The following GPC5 variants were observed in gnomAD, a reference collection of about 807,000 sequenced individuals.
GPC5 encodes glypican 5, also known as glypican-5.
GPC5 carries 47 observed loss-of-function variants against 53.9 expected under a neutral mutation model. The observed-to-expected ratio is 0.87, with a 90% confidence interval of 0.69 to 1.11. GPC5 has a LOEUF of 1.11. Ranked by LOEUF, GPC5 falls within the 50% of genes most tolerant of loss-of-function variation. The pLI is 0.00. For missense variants in GPC5, 748 were observed against 713.1 expected (o/e 1.05, Z -0.56); for synonymous variants, 286 against 263.3 (o/e 1.09, Z -0.84).
chr13:91,707,805 G>T (rs7984923), intron 3 of GPC5, among the ~76,000 whole-genome samples: 4,155 of 151,830 alleles, frequency 0.027, 174 homozygotes, highest in African/African-American at 0.096. Flanking sequence ...TCATGCCAAG[G>T]TATATTCCCA....
intron 7 of GPC5, among the ~76,000 whole-genome samples, chr13:92,492,241 A>T (rs1879791251): frequency 6.6e-6 from 1 of 152,044 alleles, no homozygotes; most frequent in Non-Finnish European, 1.5e-5. Flanking sequence ...AAAAATTAAG[A>T]CCATTTTGAA....
At chr13:92,517,222 T>A (rs938788519) in intron 7 of GPC5, among the ~76,000 whole-genome samples, 1 of 152,166 alleles carries the variant, frequency 6.6e-6, no homozygotes, top group Non-Finnish European at 1.5e-5. Context: ...CAAGGAGGCC[T>A]GCCTGCCTCT....
At chr13:92,623,467 T>G (rs2139118659) in intron 7 of GPC5, among the ~76,000 whole-genome samples, 1 of 152,352 alleles carries the variant, frequency 6.6e-6, no homozygotes, top group African/African-American at 2.4e-5. Context: ...CTTCACAGCC[T>G]TCTCTCATAC....
chr13:92,052,203 G>A (rs1190656636), intron 6 of GPC5, among the ~76,000 whole-genome samples: 1 of 152,184 alleles, frequency 6.6e-6, no homozygotes, highest in Non-Finnish European at 1.5e-5. Context: ...ATGCATGGGA[G>A]AGAAAAGCAA....
At chr13:92,650,843 G>A (rs1221100043) in intron 7 of GPC5, among the ~76,000 whole-genome samples, 3 of 152,008 alleles carry the variant, frequency 2.0e-5, no homozygotes, top group African/African-American at 7.2e-5. Flanking sequence ...GCAGAACGTG[G>A]AGGTTTGTTG....
chr13:92,832,944 G>T (rs1878097746), intron 7 of GPC5, among the ~76,000 whole-genome samples: 2 of 152,076 alleles, frequency 1.3e-5, no homozygotes, highest in Admixed American at 1.3e-4. Flanking sequence ...GGAGGCGGAG[G>T]TTGCAGTGAG....
In GPC5 at chr13:91,854,580, C is replaced by G. The variant is rs139369053; in HGVS notation, c.1281-53357C>G. ...ACCCTTCCTGGCCTCTAGTAACTATCCTTCTATTCTCTATCTCCATGGGTT... is the reference window on the plus strand; with the variant it reads ...ACCCTTCCTGGCCTCTAGTAACTATGCTTCTATTCTCTATCTCCATGGGTT... On this transcript the variant is annotated intron_variant, in intron 5 of 7. Coordinates refer to ENST00000377067, the MANE Select transcript of GPC5 (RefSeq NM_004466.6). 1.2e-4 allele frequency among the ~76,000 whole-genome samples: 18 copies of G among 151,770 alleles called. No homozygotes were observed. The South Asian group carries it at 3.7e-3, about 31-fold the overall frequency.
At chr13:92,605,638 G>A (rs1389414178) in intron 7 of GPC5, among the ~76,000 whole-genome samples, 1 of 147,750 alleles carries the variant, frequency 6.8e-6, no homozygotes, top group South Asian at 2.1e-4. Context: ...GCCGGACTGC[G>A]GACTGCAGTG....
At chr13:92,271,664 A>T (rs772811386) in intron 7 of GPC5, among the ~76,000 whole-genome samples, 40 of 152,184 alleles carry the variant, frequency 2.6e-4, no homozygotes, top group Non-Finnish European at 5.4e-4. Flanking sequence ...AGATAAAGAA[A>T]TCCAGGGTGG....
At chr13:91,910,840 T>C (rs1237660334) in intron 6 of GPC5, among the ~76,000 whole-genome samples, 1 of 152,188 alleles carries the variant, frequency 6.6e-6, no homozygotes, top group African/African-American at 2.4e-5. Flanking sequence ...ACAACCCTGC[T>C]CTCATGGGCT....
At position 91,549,064 on chromosome 13, in the gene GPC5, T is replaced by A. The variant is rs372154851; in HGVS notation, c.325+100142T>A. 6.5e-4 allele frequency among the ~76,000 whole-genome samples: 98 copies of A among 151,882 alleles called. 1 individual carries two copies. In the South Asian group the frequency reaches 0.02, roughly 31 times the overall value. Reference sequence around the variant, plus strand: ...GGTGGTCGGATCACTAGGTCAAGAGTTCGAGACCAGCCTGGCCAATATGGT... The same window carrying A: ...GGTGGTCGGATCACTAGGTCAAGAGATCGAGACCAGCCTGGCCAATATGGT... On this transcript the variant is annotated intron_variant, in intron 2 of 7. Transcript: ENST00000377067.
chr13:91,641,765 G>A (rs1206072511), intron 2 of GPC5, among the ~76,000 whole-genome samples: 1 of 152,220 alleles, frequency 6.6e-6, no homozygotes, highest in Non-Finnish European at 1.5e-5. Flanking sequence ...AAGAGGGTGA[G>A]ATCTTGATTA....
intron 2 of GPC5, among the ~76,000 whole-genome samples, chr13:91,689,254 A>AT (rs1297889347): frequency 7.4e-6 from 1 of 134,762 alleles, no homozygotes; most frequent in South Asian, 2.4e-4. Flanking sequence ...TATGGTATAA[A>AT]TTTTTTTTAA....
chr13:92,844,117 G>A (rs1228288265), intron 7 of GPC5, among the ~76,000 whole-genome samples: 1 of 151,896 alleles, frequency 6.6e-6, no homozygotes, highest in African/African-American at 2.4e-5. Flanking sequence ...GATTGATTTT[G>A]TAAGTGACAG....
At chr13:91,944,099 C>A (rs1169209083) in intron 6 of GPC5, among the ~76,000 whole-genome samples, 26 of 151,328 alleles carry the variant, frequency 1.7e-4, no homozygotes, top group Admixed American at 2.6e-4. Flanking sequence ...TTCTTTATTT[C>A]TTTCTTTTTT....
At chr13:91,437,329 T>C (rs1464317461) in intron 1 of GPC5, among the ~76,000 whole-genome samples, 4 of 152,244 alleles carry the variant, frequency 2.6e-5, no homozygotes, top group Non-Finnish European at 2.9e-5. Context: ...CTGGTACCAA[T>C]TGTTCCTTTC....
At chr13:92,278,529 G>A (rs983787542) in intron 7 of GPC5, among the ~76,000 whole-genome samples, 1 of 151,978 alleles carries the variant, frequency 6.6e-6, no homozygotes, top group Non-Finnish European at 1.5e-5. Flanking sequence ...GATGGGCAAT[G>A]TACCTTTTAT....
intron 6 of GPC5, among the ~76,000 whole-genome samples, chr13:92,070,190 A>C (rs2041199542): frequency 6.6e-6 from 1 of 152,198 alleles, no homozygotes; most frequent in African/African-American, 2.4e-5. Context: ...GCTGACAGCC[A>C]GCAAGGAAAT....
chr13:92,055,393 TGTTTAAG>T (rs1399511756), intron 6 of GPC5, among the ~76,000 whole-genome samples: 1 of 152,208 alleles, frequency 6.6e-6, no homozygotes, highest in African/African-American at 2.4e-5. Flanking sequence ...TACTCTTAAA[TGTTTAAG>T]GTTTATTAAT....
Sources: gnomAD v4.1 joint callset for allele counts (sites outside exome capture counted in the v4.1 genomes callset) on GRCh38, gnomAD v4.1.1 for gene constraint, MANE v1.5 for transcripts, NCBI Gene and HGNC (gene_info 2026-07-23, HGNC 2026-07-21) for gene names.